The following CCDC170 variants were observed in gnomAD, a reference collection of about 807,000 sequenced individuals.
The protein encoded by CCDC170 is coiled-coil domain-containing protein 170.
A neutral mutation model predicts 72.6 loss-of-function variants in CCDC170; 69 were observed. The observed-to-expected ratio is 0.95, with a 90% CI of 0.78 to 1.16. CCDC170 has a LOEUF of 1.16. Among genes scored for constraint, CCDC170 ranks in the 50% most tolerant of loss-of-function variants. The pLI is 0.00. For missense variants in CCDC170, 852 were observed against 832.5 expected (o/e 1.02, Z -0.29); for synonymous variants, 300 against 303.9 (o/e 0.99, Z 0.13).
At chr6:151,501,319 GA>G (rs545546196) in intron 1 of CCDC170, among the ~76,000 whole-genome samples, 10 of 149,910 alleles carry the variant, frequency 6.7e-5, no homozygotes, top group East Asian at 1.9e-4. Flanking sequence ...GGACATTAGT[GA>G]AAAAAAAACT....
intron 9 of CCDC170, among the ~76,000 whole-genome samples, chr6:151,609,230 G>A (rs1776831461): frequency 6.6e-6 from 1 of 152,134 alleles, no homozygotes; most frequent in Non-Finnish European, 1.5e-5. Flanking sequence ...TTGCTACTTA[G>A]TTAAGTTTTT....
chr6:151,591,629 G>A (rs1041645572), intron 7 of CCDC170, among the ~76,000 whole-genome samples: 2 of 151,886 alleles, frequency 1.3e-5, no homozygotes, highest in African/African-American at 4.8e-5. Flanking sequence ...CAAGTAGCTG[G>A]GACTACAGGT....
chr6:151,578,247 C>T lies in CCDC170; in HGVS notation c.1092+4756C>T, dbSNP rs116177753. Among the ~76,000 whole-genome samples, 872 of 152,246 alleles carry T rather than the reference C, an allele frequency of 5.7e-3. 11 individuals carry two copies. The highest frequency in any genetic ancestry group is 0.015 in the African/African-American group (623 of 41,550). ...TCCTGGGGCTGCTACGACAAAGTAC[C>T]GCAACTGGGCGGCTTAAATAACAGA... On this transcript the variant is annotated intron_variant, in intron 6 of 10. Transcript: ENST00000239374.
intron 1 of CCDC170, among the ~76,000 whole-genome samples, chr6:151,519,818 C>A (rs577274007): frequency 6.6e-6 from 1 of 152,264 alleles, no homozygotes; most frequent in African/African-American, 2.4e-5. Context: ...ATTTGAAAAT[C>A]GTTATGCTAG....
Position 151,531,271 on chromosome 6 carries a change from C to G in CCDC170, c.58-5047C>G, listed in dbSNP as rs572654816. Among the ~76,000 whole-genome samples the G allele has an allele frequency of 1.1e-4, 16 of 152,160 alleles. No homozygotes were observed. In the South Asian group the frequency reaches 1.7e-3, roughly 16 times the overall value. ...AGAGCTGTACTTACACATTATAAAC[C>G]AAATAAATTTAAGATAGACTTAAAG... On this transcript the variant is annotated intron_variant, in intron 1 of 10. Transcript: ENST00000239374.
Position 151,516,536 on chromosome 6 carries a change from A to G in CCDC170, c.58-19782A>G, listed in dbSNP as rs963000765. ...TTGAAGCGGTGTTGTTGTCTAGGGT[A>G]AATACCCAGGGTTTGTCATCTCGCA... On this transcript the variant is annotated intron_variant, in intron 1 of 10. Transcript: ENST00000239374. Among the ~76,000 whole-genome samples the G allele has an allele frequency of 3.3e-5, 5 of 152,282 alleles. 1 individual carries two copies. In the South Asian group the frequency reaches 1.0e-3, roughly 32 times the overall value.
At chr6:151,496,404 T>C (rs1174928989) in intron 1 of CCDC170, among the ~76,000 whole-genome samples, 1 of 152,248 alleles carries the variant, frequency 6.6e-6, no homozygotes, top group African/African-American at 2.4e-5. Context: ...CATGAGATTT[T>C]AATTGGCTTA....
chr6:151,556,306 A>C (rs553869340), intron 5 of CCDC170, among the ~76,000 whole-genome samples: 3 of 152,216 alleles, frequency 2.0e-5, no homozygotes, highest in African/African-American at 7.2e-5. Context: ...AAGCACAAAA[A>C]TTAGCTGGGC....
intron 5 of CCDC170, among the ~76,000 whole-genome samples, chr6:151,549,277 C>A (rs1030656006): frequency 6.6e-6 from 1 of 152,074 alleles, no homozygotes; most frequent in Non-Finnish European, 1.5e-5. Context: ...CTCAAGTGAT[C>A]TGCCCACCTT....
chr6:151,557,827 T>G (rs957161069), intron 5 of CCDC170, among the ~76,000 whole-genome samples: 2 of 152,142 alleles, frequency 1.3e-5, no homozygotes, highest in African/African-American at 2.4e-5. Flanking sequence ...TTTTAAAAAC[T>G]TAACCTTTTG....
chr6:151,603,412 A>G (rs1776739529), intron 9 of CCDC170, among the ~76,000 whole-genome samples: 1 of 152,210 alleles, frequency 6.6e-6, no homozygotes, highest in Non-Finnish European at 1.5e-5. Flanking sequence ...TTATTTATGT[A>G]TTAACTCTGC....
intron 6 of CCDC170, 79 bp downstream of exon 6, chr6:151,573,570 T>C (rs144855741): frequency 1.9e-5 from 25 of 1,332,752 alleles, no homozygotes; most frequent in Non-Finnish European, 2.0e-5. Context: ...ACTGTATTAG[T>C]CTATTCTCAC....
At chr6:151,510,724 T>A (rs545239139) in intron 1 of CCDC170, among the ~76,000 whole-genome samples, 1 of 130,396 alleles carries the variant, frequency 7.7e-6, no homozygotes, top group South Asian at 2.4e-4. Context: ...TATAATTTTA[T>A]AAGTAAGTTT....
chr6:151,584,671 G>C (rs578159293), intron 6 of CCDC170, among the ~76,000 whole-genome samples: 1 of 152,172 alleles, frequency 6.6e-6, no homozygotes, highest in Admixed American at 6.5e-5. Context: ...ATAATTATAG[G>C]AACTGGGGAA....
At position 151,618,765 on chromosome 6, in the gene CCDC170, C is replaced by A. The variant is rs541492486; in HGVS notation, c.*618C>A. On this transcript the variant is annotated 3_prime_UTR_variant, in exon 11 of 11. Transcript: ENST00000239374. ...GTGGTTCATGCCTGTAATCCCAGCA[C>A]TTTGGGAGTCCAAGGCAGGCATATC... 1 of 153,104 alleles carries A rather than the reference C, an allele frequency of 6.5e-6. No homozygotes were observed. The highest frequency in any genetic ancestry group is 2.4e-5 in the African/African-American group (1 of 41,558). 9.5% of individuals were successfully genotyped at this position (153,104 alleles called of 1,614,324 possible).
chr6:151,606,026 C>T (rs1046828545), intron 9 of CCDC170, among the ~76,000 whole-genome samples: 1 of 151,792 alleles, frequency 6.6e-6, no homozygotes, highest in Admixed American at 6.6e-5. Flanking sequence ...CTCAGCCACC[C>T]AAGTAGCTGG....
intron 3 of CCDC170, among the ~76,000 whole-genome samples, chr6:151,542,757 G>C (rs1450895639): frequency 6.6e-6 from 1 of 152,178 alleles, no homozygotes; most frequent in African/African-American, 2.4e-5. Flanking sequence ...AATGGAAGTA[G>C]TTTAGAGACC....
At chr6:151,560,134 A>G (rs895618410) in intron 5 of CCDC170, among the ~76,000 whole-genome samples, 1 of 152,162 alleles carries the variant, frequency 6.6e-6, no homozygotes, top group Non-Finnish European at 1.5e-5. Flanking sequence ...CTTTTGCTGT[A>G]TCCCAGAGGT....
chr6:151,529,604 C>A (rs550466613), intron 1 of CCDC170, among the ~76,000 whole-genome samples: 1 of 152,280 alleles, frequency 6.6e-6, no homozygotes, highest in East Asian at 1.9e-4. Flanking sequence ...TTGCAGTGAG[C>A]TGACATAGAG....
Sources: gnomAD v4.1 joint callset for allele counts (sites outside exome capture counted in the v4.1 genomes callset) on GRCh38, gnomAD v4.1.1 for gene constraint, MANE v1.5 for transcripts, NCBI Gene and HGNC (gene_info 2026-07-23, HGNC 2026-07-21) for gene names.